The following LRMDA variants were observed in gnomAD, a reference collection of about 807,000 sequenced individuals.
LRMDA encodes leucine rich melanocyte differentiation associated, also known as leucine-rich melanocyte differentiation-associated protein.
LRMDA carries 18 observed loss-of-function variants against 29.8 expected under a neutral mutation model. The ratio of observed to expected loss-of-function variants is 0.60; its 90% CI spans 0.42 to 0.90. LRMDA has a LOEUF of 0.90. Ranked by LOEUF, LRMDA falls within the 40% of genes least tolerant of loss-of-function variation. The pLI, the probability that LRMDA is intolerant of heterozygous loss-of-function variation, is 0.00. For missense variants in LRMDA, 273 were observed against 273.9 expected (o/e 1.00, Z 0.02); for synonymous variants, 125 against 109.4 (o/e 1.14, Z -0.89).
intron 2 of LRMDA, among the ~76,000 whole-genome samples, chr10:75,449,642 C>T (rs1192839607): frequency 6.6e-6 from 1 of 151,890 alleles, no homozygotes; most frequent in African/African-American, 2.4e-5. Context: ...ACGTATATAG[C>T]ATTTCCTGCT....
chr10:76,557,531 G>A lies in LRMDA; in HGVS notation c.*243G>A. 1 of 552,986 alleles carries A rather than the reference G, an allele frequency of 1.8e-6. No homozygotes were observed. The highest frequency in any genetic ancestry group is 3.2e-6 in the Non-Finnish European group (1 of 310,340). 34.3% of individuals were successfully genotyped at this position (552,986 alleles called of 1,614,324 possible). ...CCCTTAAGCAGGTCTCATCCACCAGGGTGACAGACAGCGGTGGCAAAGCAA... is the reference window on the plus strand; with the variant it reads ...CCCTTAAGCAGGTCTCATCCACCAGAGTGACAGACAGCGGTGGCAAAGCAA... On this transcript the variant is annotated 3_prime_UTR_variant, in exon 7 of 7. Transcript: ENST00000611255.
chr10:76,542,210 A>C (rs1036174334), intron 6 of LRMDA, among the ~76,000 whole-genome samples: 1 of 152,218 alleles, frequency 6.6e-6, no homozygotes, highest in Admixed American at 6.5e-5. Context: ...ATTATGTATA[A>C]TAGATGACCT....
intron 2 of LRMDA, among the ~76,000 whole-genome samples, chr10:75,528,487 G>A (rs140059417): frequency 3.9e-5 from 6 of 152,250 alleles, no homozygotes; most frequent in East Asian, 1.9e-4. Context: ...TGGCTGTTAC[G>A]ACTGTGGTAG....
intron 2 of LRMDA, among the ~76,000 whole-genome samples, chr10:75,904,016 A>T (rs890539242): frequency 1.1e-4 from 17 of 152,352 alleles, no homozygotes; most frequent in African/African-American, 4.1e-4. Flanking sequence ...CTACCCATAG[A>T]TTCAAGAGAC....
rs1458380180 is a variant in LRMDA, at chr10:75,600,370, C to T, written c.131+161876C>T. Among the ~76,000 whole-genome samples, 3 of 152,106 alleles carry T rather than the reference C, an allele frequency of 2.0e-5. No homozygotes were observed. The East Asian group carries it at 5.8e-4, about 29-fold the overall frequency. On this transcript the variant is annotated intron_variant, in intron 2 of 6. Transcript: ENST00000611255. ...GTGGTCAGTCCATTGGCCCTGTCCC[C>T]TAGGGAGCCCTCCCTTAAACCTGGC...
At chr10:76,168,275 TAG>T (rs1469875139) in intron 5 of LRMDA, among the ~76,000 whole-genome samples, 1 of 152,194 alleles carries the variant, frequency 6.6e-6, no homozygotes, top group African/African-American at 2.4e-5. Flanking sequence ...CTTTGACTCC[TAG>T]GAAAGTCTGG....
chr10:76,123,387 C>T (rs1364712573), intron 5 of LRMDA, among the ~76,000 whole-genome samples: 1 of 150,280 alleles, frequency 6.7e-6, no homozygotes, highest in Non-Finnish European at 1.5e-5. Flanking sequence ...CTCACACCTG[C>T]GGTCCCAGCT....
chr10:76,182,094 A>G (rs1423794702), intron 5 of LRMDA, among the ~76,000 whole-genome samples: 1 of 152,176 alleles, frequency 6.6e-6, no homozygotes, highest in East Asian at 1.9e-4. Context: ...TCACACTGCT[A>G]TGAAGAAGTA....
chr10:76,508,468 A>G (rs377608322), intron 6 of LRMDA, among the ~76,000 whole-genome samples: 188 of 152,286 alleles, frequency 1.2e-3, no homozygotes, highest in African/African-American at 4.4e-3. Flanking sequence ...ACTTATTTAT[A>G]ACATTGTGGT....
chr10:76,039,881 G>A lies in LRMDA; in HGVS notation c.258+3747G>A, dbSNP rs1344244068. ...TTATTGTTGTTGTTATTATCCTAGA[G>A]AATTGTGTAAACTCATCTGGTTTGA... On this transcript the variant is annotated intron_variant, in intron 3 of 6. Transcript: ENST00000611255. Among the ~76,000 whole-genome samples the A allele has an allele frequency of 2.6e-5, 4 of 152,200 alleles. No individual in the cohort carries two copies. The East Asian group carries it at 7.7e-4, about 29-fold the overall frequency.
chr10:76,477,246 A>T (rs1842684105), intron 6 of LRMDA, among the ~76,000 whole-genome samples: 1 of 152,028 alleles, frequency 6.6e-6, no homozygotes, highest in Non-Finnish European at 1.5e-5. Context: ...AAGCATTCTT[A>T]TACACCAATA....
chr10:76,378,858 CTTTTTT>C (rs144037195), intron 6 of LRMDA, among the ~76,000 whole-genome samples: 1 of 118,966 alleles, frequency 8.4e-6, no homozygotes, highest in African/African-American at 3.3e-5. Flanking sequence ...CTTTTTTTTT[CTTTTTT>C]TTTTTTTTTT....
intron 2 of LRMDA, among the ~76,000 whole-genome samples, chr10:75,794,292 G>A (rs1843616278): frequency 6.6e-6 from 1 of 152,114 alleles, no homozygotes; most frequent in Admixed American, 6.5e-5. Flanking sequence ...GCTTTATTAT[G>A]TATCATAAAA....
chr10:75,593,844 C>T (rs912480494), intron 2 of LRMDA, among the ~76,000 whole-genome samples: 2 of 152,074 alleles, frequency 1.3e-5, no homozygotes, highest in Non-Finnish European at 2.9e-5. Context: ...TCTCGGTGGC[C>T]GTCAGCCTGA....
chr10:76,110,429 CT>C, intron 5 of LRMDA, among the ~76,000 whole-genome samples: 1 of 152,346 alleles, frequency 6.6e-6, no homozygotes, highest in South Asian at 2.1e-4. Context: ...TTGAACAGAT[CT>C]TTGCAAAATA....
intron 2 of LRMDA, among the ~76,000 whole-genome samples, chr10:75,589,870 G>A (rs1350816991): frequency 6.6e-6 from 1 of 151,910 alleles, no homozygotes; most frequent in East Asian, 1.9e-4. Context: ...TGTACTCTAT[G>A]GGTATGTAAC....
intron 2 of LRMDA, among the ~76,000 whole-genome samples, chr10:76,010,065 C>T (rs1055213180): frequency 6.6e-6 from 1 of 152,152 alleles, no homozygotes. Flanking sequence ...GTTCCCTCCC[C>T]CTGAAGGTGG....
intron 5 of LRMDA, among the ~76,000 whole-genome samples, chr10:76,060,542 G>A (rs1848687674): frequency 6.6e-6 from 1 of 152,168 alleles, no homozygotes. Context: ...TGTGGAGCTG[G>A]AGGTTTACCT....
chr10:76,312,632 G>A (rs995570319), intron 5 of LRMDA, among the ~76,000 whole-genome samples: 2 of 152,014 alleles, frequency 1.3e-5, no homozygotes, highest in African/African-American at 2.4e-5. Context: ...GATATGCCAC[G>A]TGTAGCCTTC....
Sources: gnomAD v4.1 joint callset for allele counts (sites outside exome capture counted in the v4.1 genomes callset) on GRCh38, gnomAD v4.1.1 for gene constraint, MANE v1.5 for transcripts, NCBI Gene and HGNC (gene_info 2026-07-23, HGNC 2026-07-21) for gene names.